Variants in TRIP11 observed in about 807,000 individuals in gnomAD.
The protein encoded by TRIP11 is thyroid receptor-interacting protein 11.
TRIP11 carries 148 observed loss-of-function variants against 223.1 expected under a neutral mutation model. That is an observed-to-expected ratio of 0.66 (90% CI 0.58 to 0.76). The LOEUF (loss-of-function observed/expected upper bound fraction) is 0.76, where lower values mean the gene tolerates loss of function less well. Among genes scored for constraint, TRIP11 ranks in the 30% least tolerant of loss-of-function variants. The pLI, the probability that TRIP11 is intolerant of heterozygous loss-of-function variation, is 0.00. For synonymous variants in TRIP11, 762 were observed against 772.6 expected, an observed-to-expected ratio of 0.99 and a Z score of 0.23; for missense variants, 2,043 against 2,222.0, an observed-to-expected ratio of 0.92 and a Z score of 1.62.
chr14:91,984,506 G>C (rs2056582327), intron 16 of TRIP11, among the ~76,000 whole-genome samples: 1 of 151,548 alleles, frequency 6.6e-6, no homozygotes, highest in Admixed American at 6.6e-5. Context: ...AGTAGAGATG[G>C]GGTATCACCA....
chr14:91,977,289 T>G (rs1595366893), intron 16 of TRIP11: 1 of 446,906 alleles, frequency 2.2e-6, no homozygotes, highest in Admixed American at 2.4e-5. Flanking sequence ...TGAAGTCCAA[T>G]GTACTTTTTC....
chr14:92,020,391 G>T (rs1595401654), intron 4 of TRIP11, among the ~76,000 whole-genome samples: 1 of 152,238 alleles, frequency 6.6e-6, no homozygotes, highest in East Asian at 1.9e-4. Context: ...CTCCTTGGAA[G>T]AAAGTTTACA....
At position 91,968,343 on chromosome 14, in the gene TRIP11, T is replaced by C. The variant is rs142125073; in HGVS notation, c.*1330A>G. ...AAGTTTCAAGTCGGGATTTTTTTTT[T>C]ATGATGGGTTTATGAAAAATTAAAG... On this transcript the variant is annotated 3_prime_UTR_variant, in exon 21 of 21. Coordinates refer to ENST00000267622, the MANE Select transcript of TRIP11 (RefSeq NM_004239.4). 2.8e-4 allele frequency: 57 copies of C among 204,974 alleles called. No homozygotes were observed. The highest frequency in any genetic ancestry group is 1.3e-3 in the African/African-American group (55 of 43,822). 12.7% of individuals were successfully genotyped at this position (204,974 alleles called of 1,614,324 possible).
At chr14:91,984,173 A>C (rs2056576610) in intron 16 of TRIP11, among the ~76,000 whole-genome samples, 1 of 152,168 alleles carries the variant, frequency 6.6e-6, no homozygotes, top group African/African-American at 2.4e-5. Flanking sequence ...GATCTTCCTG[A>C]TGTTAGAACT....
intron 3 of TRIP11, among the ~76,000 whole-genome samples, chr14:92,025,063 C>T (rs900827122): frequency 2.6e-5 from 4 of 152,042 alleles, no homozygotes; most frequent in Non-Finnish European, 4.4e-5. Context: ...ACTTTTTCTT[C>T]TTCTTTGGAA....
intron 20 of TRIP11, 42 bp downstream of exon 20, chr14:91,972,675 T>G: frequency 6.4e-7 from 1 of 1,572,326 alleles, no homozygotes; most frequent in Non-Finnish European, 8.7e-7. Flanking sequence ...ACATTAAACA[T>G]TCAATTTTCA....
chr14:91,979,307 T>C lies in TRIP11; in HGVS notation c.5261-3118A>G, dbSNP rs148984427. On this transcript the variant is annotated intron_variant, in intron 16 of 20. Transcript: ENST00000267622. ...GAGAGAGAAAGTGAAATGACAGACA[T>C]CTTCAGAGTAAAATTCACAAAGCAG... Among the ~76,000 whole-genome samples, 465 of 148,564 alleles carry C rather than the reference T, an allele frequency of 3.1e-3. 4 individuals carry two copies. Among genetic ancestry groups the C allele is most frequent in the African/African-American group, 0.011 (431 of 40,466 alleles).
At chr14:91,984,322 T>C (rs964874257) in intron 16 of TRIP11, among the ~76,000 whole-genome samples, 5 of 145,964 alleles carry the variant, frequency 3.4e-5, no homozygotes, top group Non-Finnish European at 4.4e-5. Flanking sequence ...CTTTTCTTTT[T>C]TTTTTTTTTT....
At chr14:92,017,378 C>CA (rs1054149702) in intron 5 of TRIP11, among the ~76,000 whole-genome samples, 3 of 151,796 alleles carry the variant, frequency 2.0e-5, no homozygotes, top group Non-Finnish European at 2.9e-5. Flanking sequence ...CCCATCTATA[C>CA]AAAAAAAATC....
chr14:92,010,968 C>G lies in TRIP11; in HGVS notation c.1314+18G>C. The G allele has an allele frequency of 6.2e-7, 1 of 1,612,260 alleles. No individual in the cohort carries two copies. The highest frequency in any genetic ancestry group is 8.5e-7 in the Non-Finnish European group (1 of 1,178,442). ...ACACATACCATTTTAATTCTGCCCCCATTTTTACAGCACCCACCTTTTCTT... is the reference window on the plus strand; with the variant it reads ...ACACATACCATTTTAATTCTGCCCCGATTTTTACAGCACCCACCTTTTCTT... On this transcript the variant is annotated intron_variant, in intron 9 of 20. Transcript: ENST00000267622.
chr14:92,026,998 C>T (rs376896515), intron 2 of TRIP11: 23 of 730,456 alleles, frequency 3.1e-5, no homozygotes, highest in East Asian at 1.2e-4. Flanking sequence ...GAGGCCCGCC[C>T]GCCCACCGTG....
At position 92,003,676 on chromosome 14, in the gene TRIP11, C is replaced by G. The variant is rs1566858220; in HGVS notation, c.4300G>C (p.Val1434Leu). The change falls in exon 11 of 21, where the codon GTA becomes CTA. Residue 1434 changes from valine (V) to leucine (L), a missense_variant. Val to Leu is a conservative substitution (Grantham distance 32). Transcript: ENST00000267622. ...TGCCTCAAAAGTTCGTTTTCATTTACTTTGTTAGTGAAATTTTCATTGGAA... is the reference window on the plus strand; with the variant it reads ...TGCCTCAAAAGTTCGTTTTCATTTAGTTTGTTAGTGAAATTTTCATTGGAA... ...LSSNENFTNK[V>L]NENELLRQAV... The G allele has an allele frequency of 6.2e-7, 1 of 1,614,086 alleles. No individual in the cohort carries two copies. Among genetic ancestry groups the G allele is most frequent in the Admixed American group, 1.7e-5 (1 of 60,010 alleles).
At chr14:92,032,955 T>C (rs2057284898) in intron 2 of TRIP11, among the ~76,000 whole-genome samples, 1 of 152,198 alleles carries the variant, frequency 6.6e-6, no homozygotes, top group Admixed American at 6.5e-5. Context: ...ATTTGGCAGT[T>C]TTCCTACTTA....
intron 2 of TRIP11, among the ~76,000 whole-genome samples, chr14:92,030,011 A>C (rs1282253405): frequency 6.6e-6 from 1 of 151,780 alleles, no homozygotes; most frequent in Non-Finnish European, 1.5e-5. Context: ...TCCCGGCTAA[A>C]ACGGTGAAAC....
At chr14:91,990,250 A>G (rs1333977576) in intron 15 of TRIP11, among the ~76,000 whole-genome samples, 1 of 152,188 alleles carries the variant, frequency 6.6e-6, no homozygotes, top group African/African-American at 2.4e-5. Flanking sequence ...AGTGTGAAGG[A>G]AATGTAAACT....
At chr14:91,977,844 C>T (rs775766989) in intron 16 of TRIP11, among the ~76,000 whole-genome samples, 4 of 152,106 alleles carry the variant, frequency 2.6e-5, no homozygotes, top group East Asian at 1.9e-4. Context: ...TAACTGTTTA[C>T]GATGGCTTGT....
chr14:92,039,504 A>G (rs1595419912), intron 1 of TRIP11, 43 bp downstream of exon 1: 2 of 1,608,190 alleles, frequency 1.2e-6, no homozygotes, highest in East Asian at 2.2e-5. Flanking sequence ...GGACGTTCCC[A>G]GGGTCTTAGA....
Position 92,004,027 on chromosome 14 carries a change from A to T in TRIP11, c.3949T>A (p.Ser1317Thr). 6.2e-7 allele frequency: 1 copy of T among 1,614,202 alleles called. No homozygotes were observed. The highest frequency in any genetic ancestry group is 8.5e-7 in the Non-Finnish European group (1 of 1,180,040). The change falls in exon 11 of 21, where the codon TCT becomes ACT. Residue 1317 changes from serine (S) to threonine (T), a missense_variant. Physicochemically the swap from Ser to Thr is moderately conservative, Grantham distance 58. Coordinates refer to ENST00000267622, the MANE Select transcript of TRIP11 (RefSeq NM_004239.4). ...GKLDIISPQL[S>T]SASLLTPQSA... Reference sequence around the variant, plus strand: ...TGGGGAGTAAGCAATGATGCAGAAGACAGCTGGGGTGAAATAATATCAAGT... The same window carrying T: ...TGGGGAGTAAGCAATGATGCAGAAGTCAGCTGGGGTGAAATAATATCAAGT...
intron 3 of TRIP11, among the ~76,000 whole-genome samples, chr14:92,023,137 G>A (rs551597034): frequency 1.3e-5 from 2 of 152,260 alleles, no homozygotes; most frequent in South Asian, 4.1e-4. Context: ...AATGCTTAAT[G>A]TGCCCTCTAA....
Sources: allele counts gnomAD v4.1 joint callset (sites outside exome capture counted in the v4.1 genomes callset), GRCh38; gene constraint gnomAD v4.1.1; transcripts MANE v1.5; gene names NCBI Gene and HGNC (gene_info 2026-07-23, HGNC 2026-07-21).